Variants in WDR82 observed in about 807,000 individuals in gnomAD.
The protein encoded by WDR82 is WD repeat domain 82, also known as WD repeat-containing protein 82.
A neutral mutation model predicts 36.1 loss-of-function variants in WDR82; 8 were observed. That is an observed-to-expected ratio of 0.22 (90% CI 0.13 to 0.40). WDR82 has a LOEUF of 0.40. Among genes scored for constraint, WDR82 ranks in the 10% least tolerant of loss-of-function variants. The probability of loss-of-function intolerance (pLI) is 1.00; values close to 1 mark genes in which losing one functional copy is unlikely to be tolerated. For missense variants in WDR82, 185 were observed against 400.5 expected, an observed-to-expected ratio of 0.46 and a Z score of 4.59; for synonymous variants, 129 against 137.8, an observed-to-expected ratio of 0.94 and a Z score of 0.45.
intron 1 of WDR82, among the ~76,000 whole-genome samples, chr3:52,272,402 G>T (rs908589423): frequency 3.9e-5 from 6 of 151,972 alleles, no homozygotes; most frequent in Non-Finnish European, 8.8e-5. Context: ...AAATTAGCTG[G>T]GTGTGGTGGC....
intron 1 of WDR82, among the ~76,000 whole-genome samples, chr3:52,275,848 C>T (rs987478287): frequency 2.6e-5 from 4 of 152,162 alleles, no homozygotes; most frequent in African/African-American, 9.7e-5. Flanking sequence ...CACGCCACTG[C>T]ACTCCAGCCT....
intron 3 of WDR82, among the ~76,000 whole-genome samples, chr3:52,263,289 A>G (rs1357617008): frequency 1.3e-5 from 2 of 152,234 alleles, no homozygotes. Context: ...TCCAGTCCAC[A>G]TGACTCCAAG....
chr3:52,277,742 G>T (rs1033555527), intron 1 of WDR82, among the ~76,000 whole-genome samples: 4 of 152,236 alleles, frequency 2.6e-5, no homozygotes, highest in Admixed American at 2.6e-4. Flanking sequence ...CGGAGTGCCA[G>T]GGCGGAATCG....
intron 2 of WDR82, among the ~76,000 whole-genome samples, chr3:52,270,453 T>G (rs1700143632): frequency 6.6e-6 from 1 of 152,192 alleles, no homozygotes; most frequent in Non-Finnish European, 1.5e-5. Context: ...GAAGTACAAA[T>G]CATAAACACA....
chr3:52,259,410 T>C, intron 6 of WDR82, 144 bp from the exon 7 acceptor site: 2 of 875,890 alleles, frequency 2.3e-6, no homozygotes, highest in Non-Finnish European at 3.5e-6. Flanking sequence ...AGCTTCCAAA[T>C]GTGGTTGCCA....
At chr3:52,265,157 G>A (rs1266732949) in intron 3 of WDR82, among the ~76,000 whole-genome samples, 1 of 151,698 alleles carries the variant, frequency 6.6e-6, no homozygotes, top group Admixed American at 6.6e-5. Context: ...AAAACTAGCG[G>A]GGCTTGGTGG....
At chr3:52,271,333 G>A (rs1700151632) in intron 1 of WDR82, among the ~76,000 whole-genome samples, 1 of 152,150 alleles carries the variant, frequency 6.6e-6, no homozygotes, top group Non-Finnish European at 1.5e-5. Context: ...TGTAGCCTAG[G>A]AGCAATGGGC....
At chr3:52,276,892 C>T (rs1700207627) in intron 1 of WDR82, among the ~76,000 whole-genome samples, 1 of 151,526 alleles carries the variant, frequency 6.6e-6, no homozygotes, top group Non-Finnish European at 1.5e-5. Context: ...TTCTCACAGC[C>T]CCAGTGGGGA....
At position 52,278,326 on chromosome 3, in the gene WDR82, G is replaced by C; in HGVS notation, c.36C>G (p.Arg12=). 1.3e-6 allele frequency: 2 copies of C among 1,599,042 alleles called. No homozygotes were observed. The highest frequency in any genetic ancestry group is 1.7e-6 in the Non-Finnish European group (2 of 1,174,524). Residue 12 remains arginine, a synonymous_variant, in exon 1 of 9, where the codon CGC becomes CGG. Transcript: ENST00000296490. Reference sequence around the variant, plus strand: ...AGTTTTCGCGGAACACCTTAGCGACGCGGAAGCTCCGCAACACGCTGTCGG... The same window carrying C: ...AGTTTTCGCGGAACACCTTAGCGACCCGGAAGCTCCGCAACACGCTGTCGG... ...KLTDSVLRSF[R]VAKVFRENSD...
In WDR82 at chr3:52,258,704, T is replaced by C. The variant is rs761412808; in HGVS notation, c.770-26A>G. The C allele has an allele frequency of 5.6e-6, 9 of 1,613,916 alleles. No individual in the cohort carries two copies. The South Asian group carries it at 8.8e-5, about 16-fold the overall frequency. The stretch of plus-strand genomic sequence containing the variant: ...CTAAAGAGGATATTCACGGAAAATG[T>C]AACAGCTCAAGGCGCAATACAAAGA... On this transcript the variant is annotated intron_variant, in intron 7 of 8. Coordinates refer to ENST00000296490, the MANE Select transcript of WDR82 (RefSeq NM_025222.4).
chr3:52,277,822 T>A (rs1489971900), intron 1 of WDR82, among the ~76,000 whole-genome samples: 1 of 152,102 alleles, frequency 6.6e-6, no homozygotes, highest in Non-Finnish European at 1.5e-5. Flanking sequence ...GCCCCTGCAG[T>A]CCTGCGTCGA....
chr3:52,275,383 A>G (rs948380107), intron 1 of WDR82, among the ~76,000 whole-genome samples: 3 of 152,208 alleles, frequency 2.0e-5, no homozygotes, highest in African/African-American at 4.8e-5. Flanking sequence ...AAGTAATCTG[A>G]CCAATGTCAC....
chr3:52,261,246 T>A, intron 4 of WDR82, 134 bp downstream of exon 4: 1 of 739,328 alleles, frequency 1.4e-6, no homozygotes, highest in Non-Finnish European at 2.2e-6. Context: ...AAAAAACAGA[T>A]TTTCTCCAAA....
At chr3:52,261,026 G>A (rs1241276476) in intron 4 of WDR82, among the ~76,000 whole-genome samples, 2 of 152,220 alleles carry the variant, frequency 1.3e-5, no homozygotes, top group Non-Finnish European at 2.9e-5. Context: ...TTGGGAGGCT[G>A]AGGCAGAAGA....
At position 52,255,065 on chromosome 3, in the gene WDR82, C is replaced by G. The variant is rs545987714; in HGVS notation, c.*2425G>C. ...TCAAGCAATTCTCCTGCCTCAGCCT[C>G]CCAAGTAGCTGAGATTATAGGCGCA... is the stretch of plus-strand genomic sequence containing the variant. On this transcript the variant is annotated 3_prime_UTR_variant, in exon 9 of 9. Transcript: ENST00000296490. 1 of 152,256 alleles carries G rather than the reference C, an allele frequency of 6.6e-6. No individual in the cohort carries two copies. The highest frequency in any genetic ancestry group is 1.9e-4 in the East Asian group (1 of 5,178). The allele number at this position is 152,256 out of a possible 1,614,324, so 9.4% of individuals were successfully genotyped here.
intron 5 of WDR82, among the ~76,000 whole-genome samples, chr3:52,260,171 T>C (rs986178281): frequency 2.7e-4 from 41 of 151,992 alleles, no homozygotes; most frequent in African/African-American, 9.2e-4. Context: ...CTCTACTAAA[T>C]ACAAAAAATT....
intron 3 of WDR82, among the ~76,000 whole-genome samples, chr3:52,262,898 G>T (rs541013537): frequency 2.6e-4 from 40 of 152,192 alleles, no homozygotes; most frequent in Non-Finnish European, 5.4e-4. Context: ...GGAGGCCCAG[G>T]TGGGCGATCA....
Position 52,267,788 on chromosome 3 carries a change from C to T in WDR82, c.260-770G>A, listed in dbSNP as rs77340141. ...AGTAAACAAACAAAAAACATGGTGG[C>T]GGTAGAGAAATGAAGTGCCATAAAG... On this transcript the variant is annotated intron_variant, in intron 2 of 8. Coordinates refer to ENST00000296490, the MANE Select transcript of WDR82 (RefSeq NM_025222.4). 838 of 152,222 alleles carry T rather than the reference C, an allele frequency of 5.5e-3. 2 individuals carry two copies. Among genetic ancestry groups the T allele is most frequent in the Non-Finnish European group, 9.2e-3 (630 of 68,188 alleles). The allele number at this position is 152,222 out of a possible 1,614,324, so 9.4% of individuals were successfully genotyped here.
chr3:52,277,550 G>A (rs1379873920), intron 1 of WDR82, among the ~76,000 whole-genome samples: 2 of 152,212 alleles, frequency 1.3e-5, no homozygotes, highest in Non-Finnish European at 2.9e-5. Context: ...TTTAGATGTT[G>A]CTGAAAAGTT....
Sources: allele counts gnomAD v4.1 joint callset (sites outside exome capture counted in the v4.1 genomes callset), GRCh38; gene constraint gnomAD v4.1.1; transcripts MANE v1.5; gene names NCBI Gene and HGNC (gene_info 2026-07-23, HGNC 2026-07-21).